SLIT3: variants seen among roughly 807,000 people sequenced by gnomAD.
SLIT3 encodes the protein slit homolog 3 protein.
SLIT3 carries 68 observed loss-of-function variants against 184.0 expected under a neutral mutation model. That is an observed-to-expected ratio of 0.37 (90% confidence interval 0.30 to 0.45). The LOEUF (loss-of-function observed/expected upper bound fraction) is 0.45, where lower values mean the gene tolerates loss of function less well. Among genes scored for constraint, SLIT3 ranks in the 20% least tolerant of loss-of-function variants. The pLI, the probability that SLIT3 is intolerant of heterozygous loss-of-function variation, is 1.00. For missense variants in SLIT3, 1,707 were observed against 2,026.0 expected, an observed-to-expected ratio of 0.84 and a Z score of 3.02; for synonymous variants, 831 against 828.6, an observed-to-expected ratio of 1.00 and a Z score of -0.05.
At position 168,744,145 on chromosome 5, in the gene SLIT3, C is replaced by T. The variant is rs182744759; in HGVS notation, c.2270+4157G>A. ...TCCACTAAAAATACAAAAAATTAGC[C>T]GGGCGTGGTGGCGGGCTCCTGTAGT... On this transcript the variant is annotated intron_variant, in intron 20 of 35. Coordinates refer to ENST00000519560, the MANE Select transcript of SLIT3 (RefSeq NM_003062.4). Among the ~76,000 whole-genome samples, 380 of 152,112 alleles carry T rather than the reference C, an allele frequency of 2.5e-3. 3 individuals are homozygous for T. Among genetic ancestry groups the T allele is most frequent in the Non-Finnish European group, 2.6e-3 (177 of 67,994 alleles).
intron 29 of SLIT3, 61 bp downstream of exon 29, chr5:168,692,546 T>C (rs968310415): frequency 1.7e-6 from 2 of 1,160,424 alleles, no homozygotes; most frequent in African/African-American, 3.0e-5. Context: ...GCCTAAAACC[T>C]AGACTGTTAG....
At chr5:168,907,879 GAT>G (rs1458987900) in intron 4 of SLIT3, among the ~76,000 whole-genome samples, 3 of 131,016 alleles carry the variant, frequency 2.3e-5, no homozygotes, top group East Asian at 2.2e-4. Flanking sequence ...GATACATATA[GAT>G]ATATGATATA....
At chr5:168,790,143 C>T (rs1226857329) in intron 10 of SLIT3, 1 of 153,550 alleles carries the variant, frequency 6.5e-6, no homozygotes, top group Admixed American at 6.5e-5. Context: ...CTGAAAGGAG[C>T]TTTTGAGCAG....
chr5:168,848,907 G>T (rs1455217201), intron 5 of SLIT3, among the ~76,000 whole-genome samples: 1 of 152,068 alleles, frequency 6.6e-6, no homozygotes, highest in African/African-American at 2.4e-5. Flanking sequence ...AATTGAAGCA[G>T]GATTAGAAAT....
intron 6 of SLIT3, among the ~76,000 whole-genome samples, chr5:168,842,469 G>GTTTTTTTTGT (rs1758295172): frequency 2.3e-5 from 2 of 88,100 alleles, no homozygotes; most frequent in African/African-American, 9.6e-5. Flanking sequence ...CCGTTTTTTC[G>GTTTTTTTTGT]TTTTTTTTTT....
At chr5:169,198,394 A>C (rs892547643) in intron 3 of SLIT3, among the ~76,000 whole-genome samples, 5 of 152,156 alleles carry the variant, frequency 3.3e-5, no homozygotes, top group Non-Finnish European at 7.3e-5. Flanking sequence ...AGACTGAGAG[A>C]GCAGTATGTG....
intron 4 of SLIT3, among the ~76,000 whole-genome samples, chr5:169,153,441 C>T (rs940091868): frequency 2.6e-5 from 4 of 152,242 alleles, no homozygotes; most frequent in Non-Finnish European, 4.4e-5. Flanking sequence ...AATATTACAA[C>T]CTGTAAACTG....
At chr5:168,938,640 A>AT (rs1191095403) in intron 4 of SLIT3, among the ~76,000 whole-genome samples, 7 of 151,614 alleles carry the variant, frequency 4.6e-5, no homozygotes, top group Non-Finnish European at 7.4e-5. Context: ...GATTATTATT[A>AT]TTTTTTTTGA....
chr5:168,852,725 G>A (rs553751182), intron 5 of SLIT3, among the ~76,000 whole-genome samples: 1 of 152,156 alleles, frequency 6.6e-6, no homozygotes, highest in East Asian at 1.9e-4. Context: ...TCTCATTATT[G>A]GCTACCTGTT....
intron 4 of SLIT3, among the ~76,000 whole-genome samples, chr5:168,937,880 AT>A (rs75979002): frequency 0.099 from 14,481 of 146,544 alleles, 931 homozygotes; most frequent in African/African-American, 0.19. Flanking sequence ...ATCATTATGC[AT>A]TTTTTTTTTT....
At chr5:169,172,456 A>G (rs1214264271) in intron 4 of SLIT3, among the ~76,000 whole-genome samples, 4 of 152,224 alleles carry the variant, frequency 2.6e-5, no homozygotes, top group Non-Finnish European at 5.9e-5. Context: ...ATACTTTCAC[A>G]TCTTGGAAAT....
intron 4 of SLIT3, among the ~76,000 whole-genome samples, chr5:168,948,547 T>C (rs1370598826): frequency 1.3e-5 from 2 of 152,186 alleles, no homozygotes; most frequent in Non-Finnish European, 2.9e-5. Flanking sequence ...GTTGTGGAAT[T>C]TTCCCTTTCT....
chr5:169,030,090 C>G (rs1756970600), intron 4 of SLIT3, among the ~76,000 whole-genome samples: 1 of 152,144 alleles, frequency 6.6e-6, no homozygotes, highest in South Asian at 2.1e-4. Flanking sequence ...CTCTCCTAGG[C>G]TGCACCCTCC....
At chr5:169,259,260 G>C (rs199873451) in intron 1 of SLIT3, among the ~76,000 whole-genome samples, 2 of 152,068 alleles carry the variant, frequency 1.3e-5, no homozygotes, top group East Asian at 3.9e-4. Context: ...GGTTTCACCA[G>C]GTTGGCCAGG....
chr5:169,089,021 A>C (rs950614609), intron 4 of SLIT3, among the ~76,000 whole-genome samples: 3 of 46,302 alleles, frequency 6.5e-5, no homozygotes, highest in Admixed American at 2.1e-4. Flanking sequence ...CTCCATCTCA[A>C]AAAAAAAAAA....
At chr5:168,762,504 G>C (rs1453296760) in intron 15 of SLIT3, 35 bp downstream of exon 15, 1 of 1,597,722 alleles carries the variant, frequency 6.3e-7, no homozygotes, top group Admixed American at 1.7e-5. Flanking sequence ...GGCGTGTGGG[G>C]AGGAGTAGGG....
intron 5 of SLIT3, among the ~76,000 whole-genome samples, chr5:168,851,196 G>A (rs1034437561): frequency 3.3e-5 from 5 of 151,918 alleles, no homozygotes; most frequent in South Asian, 2.1e-4. Context: ...GGTGGCGGGC[G>A]CCTGTAGTCC....
intron 4 of SLIT3, among the ~76,000 whole-genome samples, chr5:169,028,936 T>C (rs975447241): frequency 5.9e-5 from 9 of 152,108 alleles, no homozygotes; most frequent in African/African-American, 1.4e-4. Flanking sequence ...CCTGGACATA[T>C]ATTGGTGGCT....
chr5:168,941,716 C>T (rs1254062456), intron 4 of SLIT3, among the ~76,000 whole-genome samples: 1 of 152,142 alleles, frequency 6.6e-6, no homozygotes, highest in Non-Finnish European at 1.5e-5. Context: ...CGAAAGGGTG[C>T]AGAATCTGGA....
Sources: gnomAD v4.1 joint callset for allele counts (sites outside exome capture counted in the v4.1 genomes callset) on GRCh38, gnomAD v4.1.1 for gene constraint, MANE v1.5 for transcripts, NCBI Gene and HGNC (gene_info 2026-07-23, HGNC 2026-07-21) for gene names.